Variants in PITPNC1 observed in about 807,000 individuals in gnomAD.
PITPNC1 encodes cytoplasmic phosphatidylinositol transfer protein 1.
A neutral mutation model predicts 44.7 loss-of-function variants in PITPNC1; 18 were observed. The ratio of observed to expected loss-of-function variants is 0.40; its 90% CI spans 0.28 to 0.60. PITPNC1 has a LOEUF of 0.60. Ranked by LOEUF, PITPNC1 falls within the 20% of genes least tolerant of loss-of-function variation. The pLI is 0.39. For synonymous variants in PITPNC1, 141 were observed against 149.6 expected, an observed-to-expected ratio of 0.94 and a Z score of 0.42; for missense variants, 290 against 418.4, an observed-to-expected ratio of 0.69 and a Z score of 2.68.
At chr17:67,513,426 TATATATGTATATAC>T (rs1397344815) in intron 1 of PITPNC1, among the ~76,000 whole-genome samples, 17 of 148,104 alleles carry the variant, frequency 1.1e-4, no homozygotes, top group Admixed American at 8.2e-4. Context: ...TATGTGTGTA[TATATATGTATATAC>T]ATATATGTAT....
rs527469040 is a variant in PITPNC1, at chr17:67,380,078, C to CTT, written c.48+1889_48+1890dup. Among the ~76,000 whole-genome samples, 187 of 139,656 alleles carry CTT rather than the reference C, an allele frequency of 1.3e-3. 2 individuals are homozygous for CTT. In the South Asian group the frequency reaches 0.017, roughly 13 times the overall value. The allele number at this position is 139,656 out of a possible 152,430, so 91.6% of individuals were successfully genotyped here. A position where few individuals can be genotyped will look rare whatever the true frequency, so the allele number is the denominator to read the frequency against. Reference sequence around the variant, plus strand: ...CTTCCTTTTTTTTGTCTTTTCTTTTCTTTTTTTTTTTTTTGAGATGGAGCC... The same window carrying CTT: ...CTTCCTTTTTTTTGTCTTTTCTTTTCTTTTTTTTTTTTTTTTGAGATGGAGCC... On this transcript the variant is annotated intron_variant, in intron 1 of 8. Transcript: ENST00000581322.
intron 6 of PITPNC1, among the ~76,000 whole-genome samples, chr17:67,663,262 C>T (rs770247689): frequency 9.9e-5 from 15 of 152,148 alleles, no homozygotes; most frequent in African/African-American, 3.1e-4. Flanking sequence ...AAGGGTGAGC[C>T]GGTGGTGTTA....
chr17:67,557,801 T>G (rs1038516809), intron 4 of PITPNC1, among the ~76,000 whole-genome samples: 2 of 152,224 alleles, frequency 1.3e-5, no homozygotes, highest in Non-Finnish European at 2.9e-5. Context: ...TTTCCTGTTT[T>G]AAATGCTTTT....
intron 2 of PITPNC1, among the ~76,000 whole-genome samples, chr17:67,538,293 C>T (rs923477818): frequency 6.6e-6 from 1 of 152,098 alleles, no homozygotes; most frequent in East Asian, 1.9e-4. Flanking sequence ...CCCTCCTTCA[C>T]ACTACACACA....
chr17:67,462,225 C>CTTTTTTTTTTTTTTTTTTTTTTTTTT (rs549707875), intron 1 of PITPNC1, among the ~76,000 whole-genome samples: 15 of 71,258 alleles, frequency 2.1e-4, no homozygotes, highest in Non-Finnish European at 2.5e-4. Context: ...TTCTTTCTTT[C>CTTTTTTTTTTTTTTTTTTTTTTTTTT]TTTTTTTTTT....
intron 1 of PITPNC1, among the ~76,000 whole-genome samples, chr17:67,522,081 A>T (rs2040332463): frequency 6.6e-6 from 1 of 152,192 alleles, no homozygotes; most frequent in Non-Finnish European, 1.5e-5. Context: ...AGGCAGGTGC[A>T]TCACCTGAGG....
At chr17:67,388,135 A>G (rs1047494956) in intron 1 of PITPNC1, among the ~76,000 whole-genome samples, 4 of 152,152 alleles carry the variant, frequency 2.6e-5, no homozygotes, top group Non-Finnish European at 5.9e-5. Flanking sequence ...AAATTTTTTC[A>G]CTTGTATACT....
intron 1 of PITPNC1, among the ~76,000 whole-genome samples, chr17:67,532,013 A>G (rs1426158981): frequency 1.3e-5 from 2 of 152,234 alleles, no homozygotes; most frequent in Non-Finnish European, 2.9e-5. Context: ...CAGATGGAAC[A>G]GCTCATACAT....
chr17:67,421,483 A>G (rs1439106439), intron 1 of PITPNC1, among the ~76,000 whole-genome samples: 1 of 152,064 alleles, frequency 6.6e-6, no homozygotes, highest in African/African-American at 2.4e-5. Flanking sequence ...GGGTTTTACC[A>G]TGTTGCCCAG....
At chr17:67,629,187 T>A (rs2041932852) in intron 5 of PITPNC1, among the ~76,000 whole-genome samples, 1 of 151,544 alleles carries the variant, frequency 6.6e-6, no homozygotes, top group Admixed American at 6.6e-5. Context: ...CAAACCTTTT[T>A]AACTACTTTT....
At chr17:67,689,559 T>C (rs2144473351) in intron 8 of PITPNC1, among the ~76,000 whole-genome samples, 1 of 152,332 alleles carries the variant, frequency 6.6e-6, no homozygotes, top group African/African-American at 2.4e-5. Flanking sequence ...GGGTGCTAAA[T>C]GAATTTTAGA....
At chr17:67,661,848 T>A (rs2042352792) in intron 6 of PITPNC1, among the ~76,000 whole-genome samples, 1 of 151,706 alleles carries the variant, frequency 6.6e-6, no homozygotes, top group African/African-American at 2.4e-5. Context: ...AATACAAAAA[T>A]TAGCCAGTGT....
At chr17:67,548,088 A>G (rs1248221465) in intron 2 of PITPNC1, among the ~76,000 whole-genome samples, 1 of 152,144 alleles carries the variant, frequency 6.6e-6, no homozygotes. Context: ...ATGTCCAGAC[A>G]TTGCCAGGTG....
At chr17:67,599,639 A>G (rs1376534563) in intron 5 of PITPNC1, among the ~76,000 whole-genome samples, 3 of 152,166 alleles carry the variant, frequency 2.0e-5, no homozygotes, top group Non-Finnish European at 2.9e-5. Context: ...CACAGAATTT[A>G]AAAGGTCCTG....
chr17:67,662,320 GGT>G (rs1160024315), intron 6 of PITPNC1, among the ~76,000 whole-genome samples: 5 of 151,528 alleles, frequency 3.3e-5, no homozygotes, highest in Admixed American at 6.6e-5. Flanking sequence ...CAGGTGTGGT[GGT>G]GCGTGCCTGT....
chr17:67,391,362 C>T (rs1236016652), intron 1 of PITPNC1, among the ~76,000 whole-genome samples: 2 of 152,124 alleles, frequency 1.3e-5, no homozygotes, highest in African/African-American at 4.8e-5. Flanking sequence ...CACACACACA[C>T]AGGCACAAAA....
intron 6 of PITPNC1, chr17:67,632,460 C>T: frequency 1.8e-6 from 1 of 567,468 alleles, no homozygotes; most frequent in South Asian, 2.2e-5. Flanking sequence ...CTTAGTTTTC[C>T]TGTCTCCCAA....
chr17:67,588,515 C>T (rs1379560353), intron 5 of PITPNC1, among the ~76,000 whole-genome samples: 1 of 152,138 alleles, frequency 6.6e-6, no homozygotes, highest in Non-Finnish European at 1.5e-5. Context: ...GGCACGAAGC[C>T]TCCCTTTGTC....
intron 2 of PITPNC1, among the ~76,000 whole-genome samples, chr17:67,542,883 A>T (rs1251222925): frequency 6.6e-6 from 1 of 152,230 alleles, no homozygotes; most frequent in African/African-American, 2.4e-5. Context: ...GAAATGAGAA[A>T]GTTGCTCAAA....
Sources: gnomAD v4.1 joint callset for allele counts (sites outside exome capture counted in the v4.1 genomes callset) on GRCh38, gnomAD v4.1.1 for gene constraint, MANE v1.5 for transcripts, NCBI Gene and HGNC (gene_info 2026-07-23, HGNC 2026-07-21) for gene names.